SYNE2: variants seen among roughly 807,000 people sequenced by gnomAD.
SYNE2 encodes nesprin-2.
A neutral mutation model predicts 856.3 loss-of-function variants in SYNE2; 431 were observed. That is an observed-to-expected ratio of 0.50 (90% CI 0.47 to 0.55). The LOEUF (loss-of-function observed/expected upper bound fraction) is 0.55. SYNE2 is among the 20% of genes least tolerant of loss of function. SYNE2 has a pLI of 0.00. For missense variants in SYNE2, 8,129 were observed against 8,023.2 expected, an observed-to-expected ratio of 1.01 and a Z score of -0.50; for synonymous variants, 2,923 against 2,872.3, an observed-to-expected ratio of 1.02 and a Z score of -0.56.
In SYNE2 at chr14:64,145,944, T is replaced by A. The variant is rs2098182297; in HGVS notation, c.15484-124T>A. ...TCTTTATTCAAAAGTTATCAGAGCA[T>A]CTTATTACATGAAATATTAGAAATT... On this transcript the variant is annotated intron_variant, in intron 83 of 115. Coordinates refer to ENST00000555002, the MANE Select transcript of SYNE2 (RefSeq NM_182914.3). The A allele has an allele frequency of 7.8e-6, 5 of 639,394 alleles. No homozygotes were observed. The South Asian group carries it at 1.2e-4, about 16-fold the overall frequency. The allele number at this position is 639,394 out of a possible 1,614,324, so 39.6% of individuals were successfully genotyped here.
At chr14:63,984,778 C>T (rs1374248159) in intron 18 of SYNE2, among the ~76,000 whole-genome samples, 2 of 152,144 alleles carry the variant, frequency 1.3e-5, no homozygotes, top group African/African-American at 2.4e-5. Context: ...CAGCATTTTC[C>T]TACTGTAAGA....
intron 1 of SYNE2, among the ~76,000 whole-genome samples, chr14:63,804,511 G>C (rs951500385): frequency 1.3e-5 from 2 of 150,120 alleles, no homozygotes; most frequent in South Asian, 2.1e-4. Context: ...TCCTTTTTTT[G>C]AGTTGAAGTT....
At position 64,049,885 on chromosome 14, in the gene SYNE2, A is replaced by G. The variant is rs115809466; in HGVS notation, c.7643+9A>G. 1.0e-3 allele frequency: 1,625 copies of G among 1,613,578 alleles called. 18 individuals are homozygous for G. The African/African-American group carries it at 0.019, about 19-fold the overall frequency. On this transcript the variant is annotated intron_variant, in intron 47 of 115. Coordinates refer to ENST00000555002, the MANE Select transcript of SYNE2 (RefSeq NM_182914.3). Reference sequence around the variant, plus strand: ...AAGGAAAGTCTTAAAGTGTAAGTGTAAGAATTTAGGACTTGCATTCTTTTT... The same window carrying G: ...AAGGAAAGTCTTAAAGTGTAAGTGTGAGAATTTAGGACTTGCATTCTTTTT...
At chr14:64,189,924 A>G (rs1238885604) in intron 98 of SYNE2, 147 bp from the exon 99 acceptor site, 16 of 896,240 alleles carry the variant, frequency 1.8e-5, no homozygotes, top group African/African-American at 1.0e-4. Flanking sequence ...CGGCTTCCCA[A>G]ACTGCTGGGA....
chr14:64,168,670 T>A (rs929171259), intron 92 of SYNE2, among the ~76,000 whole-genome samples: 2 of 152,124 alleles, frequency 1.3e-5, no homozygotes, highest in African/African-American at 4.8e-5. Flanking sequence ...TAGATGTAAT[T>A]ATTATTAGAC....
chr14:64,008,775 G>C (rs1594827509), intron 31 of SYNE2, among the ~76,000 whole-genome samples: 1 of 152,092 alleles, frequency 6.6e-6, no homozygotes, highest in Non-Finnish European at 1.5e-5. Context: ...GAGAGGCCAG[G>C]GTGGTCTCAC....
At position 64,126,810 on chromosome 14, in the gene SYNE2, A is replaced by T; in HGVS notation, c.13917+3A>T. 6.2e-7 allele frequency: 1 copy of T among 1,609,748 alleles called. No homozygotes were observed. The highest frequency in any genetic ancestry group is 8.5e-7 in the Non-Finnish European group (1 of 1,179,988). ...TCGATTACAACCGCAGTTACCAGGT[A>T]TGATTCCGAGCACACAGCCTATTTT... On this transcript the variant is annotated splice_donor_region_variant and intron_variant, in intron 73 of 115. Transcript: ENST00000555002.
chr14:63,969,982 C>T (rs925747341), intron 11 of SYNE2, among the ~76,000 whole-genome samples: 3 of 152,048 alleles, frequency 2.0e-5, no homozygotes, highest in African/African-American at 7.3e-5. Flanking sequence ...TGAAATATTC[C>T]TGCTTATCTT....
At chr14:64,191,265 G>A (rs372884849) in intron 99 of SYNE2, 6 of 227,732 alleles carry the variant, frequency 2.6e-5, no homozygotes, top group East Asian at 9.3e-5. Context: ...GTGAACCTGA[G>A]TCAATCAACA....
rs2096768409 is a variant in SYNE2 at position 64,003,177 on chromosome 14, G to A, written c.4244G>A (p.Gly1415Asp). 3 of 1,613,998 alleles carry A rather than the reference G, an allele frequency of 1.9e-6. No individual in the cohort carries two copies. The highest frequency in any genetic ancestry group is 2.7e-5 in the African/African-American group (2 of 74,898). Residue 1415 changes from glycine (G) to aspartate (D), a missense_variant, in exon 30 of 116, where the codon GGC becomes GAC. Around this residue, in one of 3 missense-constraint regions of SYNE2, gnomAD observed 2,422 missense variants for 2,357.4 expected, o/e 1.03. Transcript: ENST00000555002. ...AFSIKLSETH[G>D]YGVQEEFTEE... The stretch of plus-strand genomic sequence containing the variant: ...TCAATAAAGTTATCTGAGACACATG[G>A]CTATGGGGTACAGGAGGAATTCACT...
rs2096938300 is a variant in SYNE2 at position 64,021,863 on chromosome 14, C to A, written c.5359C>A (p.Gln1787Lys). ...TGTTTGTTTATGCATTTAGGAGATA[C>A]AACAGCAGATTCTACAGCAAAAACA... ...LEIFTKLEEIQQQILQQKHSM... is the reference protein window; with the variant it reads ...LEIFTKLEEIKQQILQQKHSM... The change falls in exon 37 of 116, where the codon CAA becomes AAA. Residue 1787 changes from glutamine (Q) to lysine (K), a missense_variant. Gln to Lys is a moderately conservative substitution (Grantham distance 53, BLOSUM62 1). Coordinates refer to ENST00000555002, the MANE Select transcript of SYNE2 (RefSeq NM_182914.3). 2 of 1,613,762 alleles carry A rather than the reference C, an allele frequency of 1.2e-6. No individual in the cohort carries two copies. Among genetic ancestry groups the A allele is most frequent in the Non-Finnish European group, 1.7e-6 (2 of 1,179,876 alleles).
chr14:63,781,730 A>G (rs1186216582), intron 1 of SYNE2, among the ~76,000 whole-genome samples: 1 of 152,138 alleles, frequency 6.6e-6, no homozygotes, highest in East Asian at 1.9e-4. Flanking sequence ...GTGTGGGACT[A>G]GAAACAATGA....
At chr14:64,050,994 C>G (rs1038803196) in intron 47 of SYNE2, among the ~76,000 whole-genome samples, 1 of 150,390 alleles carries the variant, frequency 6.6e-6, no homozygotes, top group Non-Finnish European at 1.5e-5. Context: ...GCATTCCAGC[C>G]TGGGTGACAG....
intron 2 of SYNE2, among the ~76,000 whole-genome samples, chr14:63,940,213 G>A (rs560175443): frequency 6.6e-6 from 1 of 151,722 alleles, no homozygotes; most frequent in South Asian, 2.1e-4. Flanking sequence ...ATGCCACCAT[G>A]CCTAGCTAAT....
chr14:63,969,525 T>C lies in SYNE2; in HGVS notation c.1128+1679T>C, dbSNP rs113272880. Among the ~76,000 whole-genome samples, 799 of 152,012 alleles carry C rather than the reference T, an allele frequency of 5.3e-3. 12 individuals carry two copies. The highest frequency in any genetic ancestry group is 0.018 in the African/African-American group (754 of 41,450). On this transcript the variant is annotated intron_variant, in intron 11 of 115. Coordinates refer to ENST00000555002, the MANE Select transcript of SYNE2 (RefSeq NM_182914.3). Reference sequence around the variant, plus strand: ...CCCAGCTAATTTTTTGTATTTTTAATAGAGACGGAGTTTCACTGTTTTAGC... The same window carrying C: ...CCCAGCTAATTTTTTGTATTTTTAACAGAGACGGAGTTTCACTGTTTTAGC...
intron 22 of SYNE2, among the ~76,000 whole-genome samples, chr14:63,994,839 A>T (rs2096700161): frequency 6.6e-6 from 1 of 151,708 alleles, no homozygotes. Flanking sequence ...GCTAAAATAC[A>T]TTTTTATTTG....
At chr14:64,166,899 G>A (rs1211637536) in intron 90 of SYNE2, 2 of 347,044 alleles carry the variant, frequency 5.8e-6, no homozygotes, top group Non-Finnish European at 1.1e-5. Flanking sequence ...TGATACTGCA[G>A]TCCAGCCTGG....
chr14:63,804,882 A>G (rs1289543510), intron 1 of SYNE2, among the ~76,000 whole-genome samples: 1 of 152,224 alleles, frequency 6.6e-6, no homozygotes, highest in Non-Finnish European at 1.5e-5. Flanking sequence ...ATGGTTTTAC[A>G]TTTAAGCCTT....
At chr14:63,943,647 T>C (rs1390432589) in intron 6 of SYNE2, among the ~76,000 whole-genome samples, 2 of 147,108 alleles carry the variant, frequency 1.4e-5, no homozygotes, top group Non-Finnish European at 3.0e-5. Context: ...GTGTTTTATT[T>C]ATTTTTATTT....
Sources: gnomAD v4.1 joint callset for allele counts (sites outside exome capture counted in the v4.1 genomes callset) on GRCh38, gnomAD v4.1.1 for gene constraint, gnomAD v4.1.1 regional missense constraint, MANE v1.5 for transcripts, NCBI Gene and HGNC (gene_info 2026-07-23, HGNC 2026-07-21) for gene names.